Variants in EDEM3 observed in about 807,000 individuals in gnomAD.
The protein encoded by EDEM3 is ER degradation enhancing alpha-mannosidase like protein 3, also known as ER degradation-enhancing alpha-mannosidase-like protein 3.
Under a neutral mutation model 110.2 loss-of-function variants are expected in EDEM3, and 60 were observed. That is an observed-to-expected ratio of 0.54 (90% CI 0.44 to 0.67). EDEM3 has a LOEUF of 0.67. Among genes scored for constraint, EDEM3 ranks in the 30% least tolerant of loss-of-function variants. The pLI is 0.00. For missense variants in EDEM3, 996 were observed against 1,121.0 expected (o/e 0.89, Z 1.59); for synonymous variants, 352 against 382.9 (o/e 0.92, Z 0.94).
chr1:184,698,956 C>A (rs1196676780), intron 19 of EDEM3, among the ~76,000 whole-genome samples: 1 of 151,762 alleles, frequency 6.6e-6, no homozygotes, highest in African/African-American at 2.4e-5. Flanking sequence ...TTAAAGTCTG[C>A]CACATTGCTA....
chr1:184,718,001 T>G (rs1650648055), intron 11 of EDEM3, among the ~76,000 whole-genome samples: 1 of 152,032 alleles, frequency 6.6e-6, no homozygotes, highest in Non-Finnish European at 1.5e-5. Context: ...TTAAATTTTT[T>G]AAATCGACAA....
chr1:184,713,317 G>A (rs1031828645), intron 13 of EDEM3, among the ~76,000 whole-genome samples: 4 of 151,956 alleles, frequency 2.6e-5, no homozygotes, highest in African/African-American at 9.7e-5. Context: ...AAAGTCACAC[G>A]GGCTATGATT....
intron 17 of EDEM3, among the ~76,000 whole-genome samples, chr1:184,707,539 G>T (rs547399929): frequency 6.6e-6 from 1 of 152,302 alleles, no homozygotes; most frequent in Non-Finnish European, 1.5e-5. Context: ...TGAGAAAAAA[G>T]TCTAAATTAG....
At chr1:184,739,642 T>C (rs536592745) in intron 2 of EDEM3, among the ~76,000 whole-genome samples, 307 of 152,102 alleles carry the variant, frequency 2.0e-3, no homozygotes, top group Non-Finnish European at 3.8e-3. Context: ...TATTTATTAA[T>C]AGGTACTTTA....
intron 15 of EDEM3, among the ~76,000 whole-genome samples, chr1:184,711,147 G>A (rs181754117): frequency 4.2e-4 from 64 of 152,064 alleles, no homozygotes; most frequent in Middle Eastern, 3.4e-3. Context: ...CACCCAGACT[G>A]GAGTGCAATG....
At chr1:184,719,003 A>C (rs918018383) in intron 11 of EDEM3, among the ~76,000 whole-genome samples, 159 bp downstream of exon 11, 1 of 152,118 alleles carries the variant, frequency 6.6e-6, no homozygotes, top group Admixed American at 6.5e-5. Context: ...TGTACAAACC[A>C]AAAATAAACT....
At chr1:184,753,797 A>C (rs1369997352) in intron 1 of EDEM3, among the ~76,000 whole-genome samples, 1 of 151,834 alleles carries the variant, frequency 6.6e-6, no homozygotes. Flanking sequence ...CCCATTTCCT[A>C]CTGGTTCTTC....
chr1:184,741,625 G>A (rs147653825), intron 2 of EDEM3, among the ~76,000 whole-genome samples: 29 of 152,212 alleles, frequency 1.9e-4, no homozygotes, highest in African/African-American at 6.5e-4. Flanking sequence ...AGTTGCTAGT[G>A]TTAGAACCCA....
At position 184,737,724 on chromosome 1, in the gene EDEM3, C is replaced by T; in HGVS notation, c.205-13G>A. On this transcript the variant is annotated splice_polypyrimidine_tract_variant and intron_variant, in intron 2 of 19. Transcript: ENST00000318130. ...GGTAAGCATGTTCCTGCAAGGAAAA[C>T]TTTAGTAAGTTACTAAGGAAAATAA... The T allele has an allele frequency of 1.2e-6, 2 of 1,610,558 alleles. No individual in the cohort carries two copies. Among genetic ancestry groups the T allele is most frequent in the East Asian group, 2.2e-5 (1 of 44,834 alleles).
Position 184,717,537 on chromosome 1 carries a change from T to C in EDEM3, c.1245+3A>G. ...TTAAGTAAAATGGGGTATATTTTCT[T>C]ACTTTATATAAGAAGTAGGTACTTT... On this transcript the variant is annotated splice_donor_region_variant and intron_variant, in intron 12 of 19. Transcript: ENST00000318130. 1.9e-6 allele frequency: 3 copies of C among 1,602,498 alleles called. No individual in the cohort carries two copies. Among genetic ancestry groups the C allele is most frequent in the Non-Finnish European group, 2.6e-6 (3 of 1,174,916 alleles).
At position 184,723,772 on chromosome 1, in the gene EDEM3, T is replaced by A. The variant is rs1438807375; in HGVS notation, c.832A>T (p.Thr278Ser). Residue 278 changes from threonine (T) to serine (S), a missense_variant, in exon 8 of 20, where the codon ACT becomes TCT. By Grantham distance (58) the Thr-to-Ser change is moderately conservative. Transcript: ENST00000318130. ...NLVGVTINIH[T>S]GDWVRKDSGV... ...ATACCTTTTCGTACCCAATCTCCAGTATGAATATTTATAGTCACGCCCACT... is the reference window on the plus strand; with the variant it reads ...ATACCTTTTCGTACCCAATCTCCAGAATGAATATTTATAGTCACGCCCACT... 4 of 1,599,698 alleles carry A rather than the reference T, an allele frequency of 2.5e-6. No homozygotes were observed. Among genetic ancestry groups the A allele is most frequent in the Admixed American group, 1.7e-5 (1 of 58,046 alleles).
At position 184,704,751 on chromosome 1, in the gene EDEM3, T is replaced by A. The variant is rs114933639; in HGVS notation, c.2204-1755A>T. Among the ~76,000 whole-genome samples, 984 of 139,610 alleles carry A rather than the reference T, an allele frequency of 7.0e-3. 17 individuals are homozygous for A. The highest frequency in any genetic ancestry group is 0.025 in the African/African-American group (951 of 37,366). 91.6% of individuals were successfully genotyped at this position (139,610 alleles called of 152,430 possible). On this transcript the variant is annotated intron_variant, in intron 18 of 19. Transcript: ENST00000318130. ...ACCCAGTATACCATTTTCCAACTAA[T>A]AGCTACCAAAAAAAACATTTGACGG...
In EDEM3 at chr1:184,690,850, C is replaced by A. The variant is rs990849157; in HGVS notation, c.*3213G>T. On this transcript the variant is annotated 3_prime_UTR_variant, in exon 20 of 20. Coordinates refer to ENST00000318130, the MANE Select transcript of EDEM3 (RefSeq NM_025191.4). ...GAAGCCTTGTGCATAAAACGACCGG[C>A]TGGAATATTTACTAAATTCTACCCC... 2 of 152,228 alleles carry A rather than the reference C, an allele frequency of 1.3e-5. No homozygotes were observed. Among genetic ancestry groups the A allele is most frequent in the African/African-American group, 4.8e-5 (2 of 41,308 alleles). 9.4% of individuals were successfully genotyped at this position (152,228 alleles called of 1,614,324 possible).
In EDEM3 at chr1:184,732,857, T is replaced by C. The variant is rs753258407; in HGVS notation, c.592A>G (p.Ser198Gly). 6.2e-7 allele frequency: 1 copy of C among 1,613,748 alleles called. No individual in the cohort carries two copies. Among genetic ancestry groups the C allele is most frequent in the South Asian group, 1.1e-5 (1 of 91,022 alleles). The change falls in exon 6 of 20, where the codon AGT becomes GGT. Residue 198 changes from serine (S) to glycine (G), a missense_variant. Ser to Gly is a moderately conservative substitution (Grantham distance 56, BLOSUM62 0). Transcript: ENST00000318130. ...CTTACTCTTGGATAAGGAAGGCCACTGGTAGTGTTGAAAGCCGGTAAAAGT... is the reference window on the plus strand; with the variant it reads ...CTTACTCTTGGATAAGGAAGGCCACCGGTAGTGTTGAAAGCCGGTAAAAGT... ...YKLLPAFNTT[S>G]GLPYPRINLK...
At chr1:184,752,637 CT>C (rs1392035296) in intron 1 of EDEM3, among the ~76,000 whole-genome samples, 1 of 152,164 alleles carries the variant, frequency 6.6e-6, no homozygotes, top group Non-Finnish European at 1.5e-5. Context: ...TCCAATGACT[CT>C]TTTACAAATA....
intron 2 of EDEM3, among the ~76,000 whole-genome samples, chr1:184,748,459 A>C (rs201385114): frequency 6.7e-6 from 1 of 149,188 alleles, no homozygotes; most frequent in Non-Finnish European, 1.5e-5. Flanking sequence ...AAAAAAAAAA[A>C]CAAAAAACAA....
chr1:184,721,776 AG>A (rs1481406169), intron 8 of EDEM3, among the ~76,000 whole-genome samples: 1 of 151,940 alleles, frequency 6.6e-6, no homozygotes, highest in Non-Finnish European at 1.5e-5. Context: ...CTTAAAAAGA[AG>A]AAATGTTATC....
At chr1:184,736,573 G>A (rs1314289961) in intron 4 of EDEM3, among the ~76,000 whole-genome samples, 1 of 152,064 alleles carries the variant, frequency 6.6e-6, no homozygotes, top group Non-Finnish European at 1.5e-5. Flanking sequence ...GGTTGAAAAG[G>A]AGTACCAAGA....
chr1:184,752,904 T>C (rs1203298576), intron 1 of EDEM3, among the ~76,000 whole-genome samples: 1 of 152,098 alleles, frequency 6.6e-6, no homozygotes, highest in Non-Finnish European at 1.5e-5. Flanking sequence ...TAGGAAGGAG[T>C]ACAGAGATAA....
Sources: allele counts gnomAD v4.1 joint callset (sites outside exome capture counted in the v4.1 genomes callset), GRCh38; gene constraint gnomAD v4.1.1; transcripts MANE v1.5; gene names NCBI Gene and HGNC (gene_info 2026-07-23, HGNC 2026-07-21).